Variants in DDO observed in about 807,000 individuals in gnomAD.
DDO encodes D-aspartate oxidase, DDO.
A neutral mutation model predicts 16.8 loss-of-function variants in DDO; 16 were observed. The observed-to-expected ratio is 0.95, with a 90% CI of 0.65 to 1.45. The LOEUF is 1.45. Ranked by LOEUF, DDO falls within the 40% of genes most tolerant of loss-of-function variation. The pLI, the probability that DDO is intolerant of heterozygous loss-of-function variation, is 0.00. For synonymous variants in DDO, 180 were observed against 167.2 expected, an observed-to-expected ratio of 1.08 and a Z score of -0.59; for missense variants, 429 against 420.3, an observed-to-expected ratio of 1.02 and a Z score of -0.18.
chr6:110,404,709 G>C (rs2114828046), intron 4 of DDO, 65 bp downstream of exon 4: 1 of 1,545,124 alleles, frequency 6.5e-7, no homozygotes, highest in South Asian at 1.2e-5. Flanking sequence ...TGTATTTTAT[G>C]AATAGCTACG....
Position 110,413,282 on chromosome 6 carries a change from A to T in DDO, c.172+9T>A. 6.2e-7 allele frequency: 1 copy of T among 1,613,478 alleles called. No homozygotes were observed. Among genetic ancestry groups the T allele is most frequent in the Non-Finnish European group, 8.5e-7 (1 of 1,179,596 alleles). On this transcript the variant is annotated intron_variant, in intron 2 of 4. Transcript: ENST00000368924. ...TATTGTATCTGATAGAGGAGCTGAAATCTCTCACCTGGATAAGTGTGAGGA... is the reference window on the plus strand; with the variant it reads ...TATTGTATCTGATAGAGGAGCTGAATTCTCTCACCTGGATAAGTGTGAGGA...
In DDO at chr6:110,404,915, A is replaced by T. The variant is rs1355912615; in HGVS notation, c.317T>A (p.Val106Glu). 5.0e-6 allele frequency: 8 copies of T among 1,614,240 alleles called. No individual in the cohort carries two copies. Among genetic ancestry groups the T allele is most frequent in the Non-Finnish European group, 5.9e-6 (7 of 1,180,034 alleles). The change falls in exon 4 of 5, where the codon GTG becomes GAG. Residue 106 changes from valine (V) to glutamate (E), a missense_variant. Val to Glu is a moderately radical substitution (Grantham distance 121). Transcript: ENST00000368924. ...CAGAACCACGTCAGCCCAGAATGGC[A>T]CTTCTTCAGTCGGAGTGCTCTGAAA... is the stretch of plus-strand genomic sequence containing the variant. ...QIFQSTPTEE[V>E]PFWADVVLGF...
rs1315335476 is a variant in DDO, at chr6:110,392,536, C to G, written c.*239G>C. On this transcript the variant is annotated 3_prime_UTR_variant, in exon 5 of 5. Coordinates refer to ENST00000368924, the MANE Select transcript of DDO (RefSeq NM_001372108.2). ...TTTTTAGAGGTGGGAACTGGCACCT[C>G]TAAAAAATGTTACCCAGATTGCACT... 8.3e-7 allele frequency: 1 copy of G among 1,203,050 alleles called. No homozygotes were observed. Among genetic ancestry groups the G allele is most frequent in the Non-Finnish European group, 1.0e-6 (1 of 970,600 alleles). 74.5% of individuals were successfully genotyped at this position (1,203,050 alleles called of 1,614,324 possible).
In DDO at chr6:110,415,570, G is replaced by A. The variant is rs371634464; in HGVS notation, c.-108C>T. 95 of 1,612,932 alleles carry A rather than the reference G, an allele frequency of 5.9e-5. No individual in the cohort carries two copies. Among genetic ancestry groups the A allele is most frequent in the African/African-American group, 8.0e-5 (6 of 74,908 alleles). On this transcript the variant is annotated 5_prime_UTR_variant, in exon 1 of 5. Coordinates refer to ENST00000368924, the MANE Select transcript of DDO (RefSeq NM_001372108.2). Reference sequence around the variant, plus strand: ...ATGCCCTGAGAGACAGAGAGAAAGCGAAACTGATTCCCATTGGTGACTTGA... The same window carrying A: ...ATGCCCTGAGAGACAGAGAGAAAGCAAAACTGATTCCCATTGGTGACTTGA...
chr6:110,413,393 T>C lies in DDO; in HGVS notation c.70A>G (p.Lys24Glu). ...VGLSTAVCIS[K>E]LVPRCSVTII... is the part of the protein sequence containing the mutation. Reference sequence around the variant, plus strand: ...GTAACGGAGCATCGGGGCACCAGTTTGGAGATGCACACAGCCGTGGAGAGC... The same window carrying C: ...GTAACGGAGCATCGGGGCACCAGTTCGGAGATGCACACAGCCGTGGAGAGC... The change falls in exon 2 of 5, where the codon AAA becomes GAA. Residue 24 changes from lysine (K) to glutamate (E), a missense_variant. Physicochemically the swap from Lys to Glu is moderately conservative, Grantham distance 56. Coordinates refer to ENST00000368924, the MANE Select transcript of DDO (RefSeq NM_001372108.2). 6.2e-7 allele frequency: 1 copy of C among 1,614,080 alleles called. No individual in the cohort carries two copies. Among genetic ancestry groups the C allele is most frequent in the African/African-American group, 1.3e-5 (1 of 75,004 alleles).
At chr6:110,397,033 AC>A (rs1391791877) in intron 4 of DDO, among the ~76,000 whole-genome samples, 1 of 152,158 alleles carries the variant, frequency 6.6e-6, no homozygotes, top group African/African-American at 2.4e-5. Flanking sequence ...GGAGGCCTCT[AC>A]CCTTTACCAT....
intron 2 of DDO, among the ~76,000 whole-genome samples, chr6:110,411,410 A>T (rs1056224947): frequency 1.3e-5 from 2 of 152,198 alleles, no homozygotes; most frequent in African/African-American, 4.8e-5. Flanking sequence ...TTTGGAGATG[A>T]CAGATACTCA....
At position 110,392,426 on chromosome 6, in the gene DDO, A is replaced by C; in HGVS notation, c.*349T>G. ...TCTATAAGAAGTATTTTTAACAAAA[A>C]ATAGAGCTTTATGCCCTATGCCATT... is the stretch of plus-strand genomic sequence containing the variant. On this transcript the variant is annotated 3_prime_UTR_variant, in exon 5 of 5. Coordinates refer to ENST00000368924, the MANE Select transcript of DDO (RefSeq NM_001372108.2). 9.8e-7 allele frequency: 1 copy of C among 1,016,210 alleles called. No individual in the cohort carries two copies. The highest frequency in any genetic ancestry group is 1.2e-6 in the Non-Finnish European group (1 of 851,190). The allele number at this position is 1,016,210 out of a possible 1,614,324, so 62.9% of individuals were successfully genotyped here.
In DDO at chr6:110,393,325, C is replaced by A. The variant is rs764588410; in HGVS notation, c.476G>T (p.Gly159Val). Reference protein sequence around the residue: ...WLEKRIKGSGGWTLTRRIEDL... With the variant: ...WLEKRIKGSGVWTLTRRIEDL... Reference sequence around the variant, plus strand: ...TTCTATTCGCCGAGTGAGTGTCCAGCCTCCACTTCCCTTTATCCTACGGAA... The same window carrying A: ...TTCTATTCGCCGAGTGAGTGTCCAGACTCCACTTCCCTTTATCCTACGGAA... The change falls in exon 5 of 5, where the codon GGC becomes GTC. Residue 159 changes from glycine to valine, a missense_variant. Physicochemically the swap from Gly to Val is moderately radical, Grantham distance 109 (BLOSUM62 -3). Transcript: ENST00000368924. 1.2e-6 allele frequency: 2 copies of A among 1,601,322 alleles called. No individual in the cohort carries two copies. Among genetic ancestry groups the A allele is most frequent in the Non-Finnish European group, 1.7e-6 (2 of 1,171,284 alleles).
chr6:110,400,079 G>A lies in DDO; in HGVS notation c.458+4695C>T, dbSNP rs367829251. ...CCCTGGCTGGGGGTCATTTTAAGTG[G>A]CGGGAAATGCTGACCGCAGGCCCGC... On this transcript the variant is annotated intron_variant, in intron 4 of 4. Transcript: ENST00000368924. Among the ~76,000 whole-genome samples, 29 of 152,316 alleles carry A rather than the reference G, an allele frequency of 1.9e-4. 1 individual carries two copies. The highest frequency in any genetic ancestry group is 6.0e-4 in the African/African-American group (25 of 41,584).
intron 2 of DDO, 62 bp from the exon 3 acceptor site, chr6:110,408,504 C>T (rs913966035): frequency 9.1e-6 from 13 of 1,426,458 alleles, no homozygotes; most frequent in Non-Finnish European, 1.3e-5. Context: ...GACAGTGCTT[C>T]AAATAAGCTC....
chr6:110,400,787 C>A (rs1210136173), intron 4 of DDO, among the ~76,000 whole-genome samples: 1 of 152,252 alleles, frequency 6.6e-6, no homozygotes, highest in East Asian at 1.9e-4. Flanking sequence ...AAGGCTATCA[C>A]TAGGACTCAA....
rs1293806769 is a variant in DDO, at chr6:110,413,235, T to C, written c.172+56A>G. On this transcript the variant is annotated intron_variant, in intron 2 of 4. Coordinates refer to ENST00000368924, the MANE Select transcript of DDO (RefSeq NM_001372108.2). The stretch of plus-strand genomic sequence containing the variant: ...CTGTCTTTTGTCAATAGAATTCCAC[T>C]AACATCATTCTATCTGACATCTATT... 7 of 1,577,942 alleles carry C rather than the reference T, an allele frequency of 4.4e-6. No homozygotes were observed. In the African/African-American group the frequency reaches 9.4e-5, roughly 21 times the overall value.
At chr6:110,406,634 C>T (rs1303801352) in intron 3 of DDO, among the ~76,000 whole-genome samples, 1 of 152,202 alleles carries the variant, frequency 6.6e-6, no homozygotes, top group Non-Finnish European at 1.5e-5. Flanking sequence ...TTTCTCTGGA[C>T]TTCCTTCAGT....
rs1773149504 is a variant in DDO at position 110,392,895 on chromosome 6, G to A, written c.906C>T (p.His302=). 2 of 1,614,088 alleles carry A rather than the reference G, an allele frequency of 1.2e-6. No homozygotes were observed. The highest frequency in any genetic ancestry group is 2.7e-5 in the African/African-American group (2 of 74,946). ...ARDGQRLPVV[H]HYGHGSGGIS... ...TGCCCCCACTCCCATGGCCATAGTG[G>A]TGGACTACAGGCAGCCTCTGTCCAT... Residue 302 remains histidine (H), a synonymous_variant, in exon 5 of 5, where the codon CAC becomes CAT. Coordinates refer to ENST00000368924, the MANE Select transcript of DDO (RefSeq NM_001372108.2).
chr6:110,401,251 T>C (rs1773477029), intron 4 of DDO, among the ~76,000 whole-genome samples: 1 of 152,130 alleles, frequency 6.6e-6, no homozygotes, highest in Non-Finnish European at 1.5e-5. Context: ...CAAATCAGGA[T>C]TTACATTGCA....
chr6:110,391,070 A>C (rs944486968), downstream of DDO, among the ~76,000 whole-genome samples: 32 of 152,222 alleles, frequency 2.1e-4, no homozygotes, highest in Non-Finnish European at 3.7e-4. Context: ...ACTTGATTTT[A>C]CTTGAGAATG....
chr6:110,395,636 C>T (rs761395835), intron 4 of DDO, among the ~76,000 whole-genome samples: 72 of 151,842 alleles, frequency 4.7e-4, no homozygotes, highest in Non-Finnish European at 1.5e-4. Context: ...CAGTTCTGAG[C>T]GCTATCTACT....
chr6:110,413,398 A>G lies in DDO; in HGVS notation c.65T>C (p.Ile22Thr). The G allele has an allele frequency of 2.5e-6, 4 of 1,614,058 alleles. No homozygotes were observed. The highest frequency in any genetic ancestry group is 3.4e-6 in the Non-Finnish European group (4 of 1,180,008). Residue 22 changes from isoleucine to threonine, a missense_variant, in exon 2 of 5, where the codon ATC becomes ACC. Transcript: ENST00000368924. Reference protein sequence around the residue: ...GVVGLSTAVCISKLVPRCSVT... With the variant: ...GVVGLSTAVCTSKLVPRCSVT... ...GGAGCATCGGGGCACCAGTTTGGAG[A>G]TGCACACAGCCGTGGAGAGCCCCAC...
Sources: allele counts gnomAD v4.1 joint callset (sites outside exome capture counted in the v4.1 genomes callset), GRCh38; gene constraint gnomAD v4.1.1; transcripts MANE v1.5; gene names NCBI Gene and HGNC (gene_info 2026-07-23, HGNC 2026-07-21).